DISC1: variants seen among roughly 807,000 people sequenced by gnomAD.
The protein encoded by DISC1 is DISC1 scaffold protein.
In DISC1, 57 loss-of-function variants were observed where a neutral mutation model predicts 84.5. The ratio of observed to expected loss-of-function variants is 0.67; its 90% CI spans 0.55 to 0.84. The LOEUF (loss-of-function observed/expected upper bound fraction) is 0.84. Ranked by LOEUF, DISC1 falls within the 40% of genes least tolerant of loss-of-function variation. The pLI is 0.00. For missense variants in DISC1, 1,000 were observed against 1,057.8 expected (o/e 0.95, Z 0.76); for synonymous variants, 411 against 415.2 (o/e 0.99, Z 0.12).
At chr1:232,035,242 G>A (rs1393361339) in intron 12 of DISC1, among the ~76,000 whole-genome samples, 1 of 152,158 alleles carries the variant, frequency 6.6e-6, no homozygotes, top group East Asian at 1.9e-4. Context: ...CTGAGGTCAG[G>A]GGTTCAAGAC....
At chr1:231,835,670 T>G (rs2082578499) in intron 9 of DISC1, among the ~76,000 whole-genome samples, 1 of 152,218 alleles carries the variant, frequency 6.6e-6, no homozygotes. Context: ...ATGTCCTTTG[T>G]CTATTGGTTT....
chr1:231,892,066 C>T (rs567418915), intron 9 of DISC1, among the ~76,000 whole-genome samples: 1 of 152,120 alleles, frequency 6.6e-6, no homozygotes, highest in Non-Finnish European at 1.5e-5. Flanking sequence ...CTCCTGCCCC[C>T]CCACCACCTT....
intron 9 of DISC1, among the ~76,000 whole-genome samples, chr1:231,843,940 C>A (rs567695792): frequency 6.6e-6 from 1 of 152,050 alleles, no homozygotes; most frequent in South Asian, 2.1e-4. Context: ...TAATTAGAGC[C>A]GTGCAGATAG....
intron 6 of DISC1, among the ~76,000 whole-genome samples, chr1:231,784,304 G>T (rs1019938884): frequency 2.6e-5 from 4 of 151,552 alleles, no homozygotes; most frequent in African/African-American, 9.7e-5. Flanking sequence ...TCAGTTTGCT[G>T]AGTTATTTGG....
At chr1:231,949,200 A>G (rs1296854611) in intron 9 of DISC1, among the ~76,000 whole-genome samples, 3 of 152,108 alleles carry the variant, frequency 2.0e-5, no homozygotes, top group African/African-American at 7.2e-5. Flanking sequence ...ATACTTGTTC[A>G]TCACCCATGT....
chr1:231,687,882 T>A (rs2064492460), intron 1 of DISC1, among the ~76,000 whole-genome samples: 1 of 152,072 alleles, frequency 6.6e-6, no homozygotes, highest in Non-Finnish European at 1.5e-5. Flanking sequence ...ACAATGTGAA[T>A]GTACTTAATG....
At chr1:231,993,306 G>C (rs1384702616) in intron 10 of DISC1, among the ~76,000 whole-genome samples, 3 of 151,880 alleles carry the variant, frequency 2.0e-5, no homozygotes, top group Middle Eastern at 6.8e-3. Context: ...TCTTGGGAAA[G>C]GCCTCTGAGA....
intron 9 of DISC1, among the ~76,000 whole-genome samples, chr1:231,852,135 G>A (rs982883010): frequency 6.6e-6 from 1 of 152,172 alleles, no homozygotes; most frequent in African/African-American, 2.4e-5. Context: ...CACACAGCCA[G>A]CGAGGGGTAG....
intron 10 of DISC1, among the ~76,000 whole-genome samples, chr1:232,006,057 G>C (rs562762830): frequency 3.9e-5 from 6 of 152,284 alleles, no homozygotes; most frequent in Admixed American, 2.6e-4. Flanking sequence ...CTCCCAACTA[G>C]CCACAGTCAC....
chr1:231,708,472 T>G (rs112242654), intron 3 of DISC1, among the ~76,000 whole-genome samples: 28 of 152,346 alleles, frequency 1.8e-4, no homozygotes, highest in African/African-American at 6.5e-4. Flanking sequence ...GACATCGGCA[T>G]TTGTGAAAAA....
chr1:231,907,142 T>TCTCC (rs1491198576), intron 9 of DISC1, among the ~76,000 whole-genome samples: 2 of 76,396 alleles, frequency 2.6e-5, no homozygotes, highest in African/African-American at 9.7e-5. Flanking sequence ...TCTTTCTTTC[T>TCTCC]TTCTTTCTTT....
chr1:231,912,745 CTTTCTTTCTTTCTT>C (rs1558724848), intron 9 of DISC1, among the ~76,000 whole-genome samples: 4 of 3,612 alleles, frequency 1.1e-3, no homozygotes, highest in East Asian at 7.5e-3. Context: ...GCTTGCTCTT[CTTTCTTTCTTTCTT>C]TCTTTCTTTC....
intron 4 of DISC1, among the ~76,000 whole-genome samples, chr1:231,757,847 C>T (rs1020086746): frequency 2.6e-5 from 4 of 152,222 alleles, no homozygotes; most frequent in African/African-American, 7.2e-5. Context: ...AATGCTGCAG[C>T]GGACAGTTTG....
intron 9 of DISC1, among the ~76,000 whole-genome samples, chr1:231,850,488 G>A (rs1264470101): frequency 2.6e-5 from 4 of 152,240 alleles, no homozygotes; most frequent in Admixed American, 2.6e-4. Flanking sequence ...TTCCCGAGTT[G>A]TGCGGAGCAC....
At chr1:231,685,098 A>G (rs1256160454) in intron 1 of DISC1, 1 of 152,252 alleles carries the variant, frequency 6.6e-6, no homozygotes, top group Non-Finnish European at 1.5e-5. Flanking sequence ...CCAGTGCAAG[A>G]TTCTGTGGCG....
At chr1:231,952,394 T>A (rs1057432020) in intron 9 of DISC1, among the ~76,000 whole-genome samples, 1 of 152,064 alleles carries the variant, frequency 6.6e-6, no homozygotes, top group Non-Finnish European at 1.5e-5. Context: ...GAATTTATAT[T>A]GAGTAGTCAA....
At chr1:232,012,253 A>C (rs966882990) in intron 11 of DISC1, among the ~76,000 whole-genome samples, 3 of 152,202 alleles carry the variant, frequency 2.0e-5, no homozygotes, top group African/African-American at 4.8e-5. Context: ...TTTCCTTTAC[A>C]TGTATAATAT....
intron 1 of DISC1, among the ~76,000 whole-genome samples, chr1:231,632,886 C>T (rs1300129573): frequency 6.6e-6 from 1 of 152,178 alleles, no homozygotes; most frequent in Admixed American, 6.5e-5. Flanking sequence ...TCCTGGCCAA[C>T]ATGGCAGAAA....
intron 1 of DISC1, among the ~76,000 whole-genome samples, chr1:231,665,103 A>G (rs2061904714): frequency 6.6e-6 from 1 of 152,214 alleles, no homozygotes; most frequent in Non-Finnish European, 1.5e-5. Context: ...TGCAGTATTA[A>G]ATCATAATTG....
Sources: allele counts gnomAD v4.1 joint callset (sites outside exome capture counted in the v4.1 genomes callset), GRCh38; gene constraint gnomAD v4.1.1; transcripts MANE v1.5; gene names NCBI Gene and HGNC (gene_info 2026-07-23, HGNC 2026-07-21).